IL27: variants seen among roughly 807,000 people sequenced by gnomAD.
IL27 encodes interleukin-27 subunit alpha.
A neutral mutation model predicts 27.0 loss-of-function variants in IL27; 11 were observed. The ratio of observed to expected loss-of-function variants is 0.41; its 90% CI spans 0.26 to 0.67. IL27 has a LOEUF of 0.67. Ranked by LOEUF, IL27 falls within the 30% of genes least tolerant of loss-of-function variation. The probability of loss-of-function intolerance (pLI) is 0.34; values close to 1 mark genes in which losing one functional copy is unlikely to be tolerated. For synonymous variants in IL27, 134 were observed against 140.6 expected, an observed-to-expected ratio of 0.95 and a Z score of 0.33; for missense variants, 299 against 310.4, an observed-to-expected ratio of 0.96 and a Z score of 0.28.
At position 28,499,729 on chromosome 16, in the gene IL27, C is replaced by A. The variant is rs531108031; in HGVS notation, c.654G>T (p.Val218=). 1 of 1,613,644 alleles carries A rather than the reference C, an allele frequency of 6.2e-7. No individual in the cohort carries two copies. Among genetic ancestry groups the A allele is most frequent in the African/African-American group, 1.3e-5 (1 of 75,034 alleles). The part of the protein sequence containing the change: ...HSLELVLSRA[V]RELLLLSKAG... ...CCTTGGACAGCAGCAGCAACTCCCG[C>A]ACGGCCCGAGATAAGACGAGCTCCA... The change falls in exon 5 of 5, where the codon GTG becomes GTT. Residue 218 remains valine (V), a synonymous_variant. Transcript: ENST00000356897.
chr16:28,503,758 G>A lies in IL27; in HGVS notation c.240C>T (p.Leu80=), dbSNP rs2046446597. Residue 80 remains leucine (L), a synonymous_variant, in exon 3 of 5, where the codon CTC becomes CTT. Transcript: ENST00000356897. ...CAGGGAGCTGCTCTCCCAGGGGCAG[G>A]AGGTACAGGTTCACTCCTGGCAGGT... ...ESHLPGVNLY[L]LPLGEQLPDV... The A allele has an allele frequency of 1.9e-6, 3 of 1,613,798 alleles. No individual in the cohort carries two copies. In the African/African-American group the frequency reaches 4.0e-5, roughly 22 times the overall value.
chr16:28,499,723 C>G lies in IL27; in HGVS notation c.660G>C (p.Glu220Asp). ...GCCCAGCCTTGGACAGCAGCAGCAA[C>G]TCCCGCACGGCCCGAGATAAGACGA... ...LELVLSRAVR[E>D]LLLLSKAGHS... is the part of the protein sequence containing the mutation. Residue 220 changes from glutamate (E) to aspartate (D), a missense_variant, in exon 5 of 5, where the codon GAG (glutamate) becomes GAC (aspartate). Transcript: ENST00000356897. 6.2e-7 allele frequency: 1 copy of G among 1,613,724 alleles called. No homozygotes were observed. Among genetic ancestry groups the G allele is most frequent in the Non-Finnish European group, 8.5e-7 (1 of 1,179,896 alleles).
chr16:28,501,503 G>C (rs1467736185), intron 4 of IL27, among the ~76,000 whole-genome samples: 65 of 109,884 alleles, frequency 5.9e-4, no homozygotes, highest in Non-Finnish European at 1.1e-3. Flanking sequence ...CACACTCACA[G>C]TCACACTCAC....
At chr16:28,502,814 G>T (rs1312560203) in intron 3 of IL27, among the ~76,000 whole-genome samples, 1 of 151,978 alleles carries the variant, frequency 6.6e-6, no homozygotes, top group Non-Finnish European at 1.5e-5. Context: ...CCTTATTCCA[G>T]CTTCATCTTT....
intron 4 of IL27, among the ~76,000 whole-genome samples, chr16:28,500,740 C>T (rs1371259088): frequency 6.6e-6 from 1 of 152,144 alleles, no homozygotes; most frequent in African/African-American, 2.4e-5. Context: ...ACCTCACAGC[C>T]CAATGGCCTC....
chr16:28,504,107 C>A, intron 1 of IL27, 57 bp from the exon 2 acceptor site: 1 of 1,508,916 alleles, frequency 6.6e-7, no homozygotes, highest in Non-Finnish European at 8.9e-7. Flanking sequence ...AGGAAGGGAA[C>A]ATGCCTTTTC....
chr16:28,501,358 CCATACACTCACAGTCT>C (rs2046427795), intron 4 of IL27, among the ~76,000 whole-genome samples: 4 of 150,634 alleles, frequency 2.7e-5, no homozygotes, highest in Admixed American at 6.6e-5. Flanking sequence ...ACTCACAGTC[CCATACACTCACAGTCT>C]CACACTCATG....
rs1222157505 is a variant in IL27, at chr16:28,501,960, G to A, written c.462+16C>T. The A allele has an allele frequency of 2.5e-6, 4 of 1,596,940 alleles. No individual in the cohort carries two copies. The South Asian group carries it at 3.3e-5, about 13-fold the overall frequency. On this transcript the variant is annotated intron_variant, in intron 4 of 4. Coordinates refer to ENST00000356897, the MANE Select transcript of IL27 (RefSeq NM_145659.3). ...TCCCACGTGGTCTGGGGTGGTGGAG[G>A]GTGGCCGGGCTCTACCTGGAAGCGG...
Position 28,499,603 on chromosome 16 carries a change from G to A in IL27, c.*48C>T. The A allele has an allele frequency of 1.3e-6, 2 of 1,492,616 alleles. No homozygotes were observed. Among genetic ancestry groups the A allele is most frequent in the East Asian group, 2.4e-5 (1 of 41,328 alleles). The allele number at this position is 1,492,616 out of a possible 1,614,324, so 92.5% of individuals were successfully genotyped here. Reference sequence around the variant, plus strand: ...AGGCTGCCCTGATGCCAAGACTCCAGTCCTAAAGTTCTAAAGGGTGGGGGG... The same window carrying A: ...AGGCTGCCCTGATGCCAAGACTCCAATCCTAAAGTTCTAAAGGGTGGGGGG... On this transcript the variant is annotated 3_prime_UTR_variant, in exon 5 of 5. Transcript: ENST00000356897.
At chr16:28,505,560 C>T (rs748312163) in intron 1 of IL27, among the ~76,000 whole-genome samples, 26 of 152,084 alleles carry the variant, frequency 1.7e-4, no homozygotes, top group Non-Finnish European at 2.6e-4. Flanking sequence ...TCAGGTGATC[C>T]GCCTGCCTTG....
intron 4 of IL27, among the ~76,000 whole-genome samples, chr16:28,501,721 TCACA>T (rs770777120): frequency 2.4e-4 from 35 of 143,172 alleles, no homozygotes; most frequent in Non-Finnish European, 4.7e-4. Flanking sequence ...CCACACACTC[TCACA>T]CTCACAGACC....
chr16:28,499,977 C>T, intron 4 of IL27, 57 bp from the exon 5 acceptor site: 1 of 1,480,028 alleles, frequency 6.8e-7, no homozygotes, highest in Admixed American at 2.3e-5. Context: ...GAGAGGAATC[C>T]TCATTCCCTA....
At chr16:28,504,903 CA>C (rs1258220194) in intron 1 of IL27, among the ~76,000 whole-genome samples, 2 of 152,206 alleles carry the variant, frequency 1.3e-5, no homozygotes, top group Non-Finnish European at 2.9e-5. Flanking sequence ...TTTTGACCCC[CA>C]TAAACTCCCT....
At chr16:28,503,853 C>CGCCA (rs1178125044) in intron 2 of IL27, 25 bp downstream of exon 2, 2 of 1,613,336 alleles carry the variant, frequency 1.2e-6, no homozygotes, top group Admixed American at 3.3e-5. Flanking sequence ...CCATCTCCAG[C>CGCCA]GCCAGCTGCA....
intron 3 of IL27, among the ~76,000 whole-genome samples, chr16:28,503,398 C>T (rs2046444322): frequency 6.6e-6 from 1 of 152,194 alleles, no homozygotes; most frequent in Non-Finnish European, 1.5e-5. Context: ...CAAAGGTGTA[C>T]ACCACCATGC....
chr16:28,501,836 CATG>C lies in IL27; in HGVS notation c.462+137_462+139del, dbSNP rs2046433486. ...GGACCCACACAGTCACTCTCACACT[CATG>C]AACCCACACACTCATGGACACTCAG... On this transcript the variant is annotated intron_variant, in intron 4 of 4. Coordinates refer to ENST00000356897, the MANE Select transcript of IL27 (RefSeq NM_145659.3). The C allele has an allele frequency of 2.9e-6, 3 of 1,029,784 alleles. No homozygotes were observed. In the South Asian group the frequency reaches 4.5e-5, roughly 15 times the overall value. 63.8% of individuals were successfully genotyped at this position (1,029,784 alleles called of 1,614,324 possible). A position where few individuals can be genotyped will look rare whatever the true frequency, so the allele number is the denominator to read the frequency against.
rs758666741 is a variant in IL27 at position 28,504,037 on chromosome 16, C to T, written c.45G>A (p.Leu15=). 36 of 1,606,624 alleles carry T rather than the reference C, an allele frequency of 2.2e-5. No homozygotes were observed. In the South Asian group the frequency reaches 3.1e-4, roughly 14 times the overall value. Residue 15 remains leucine (L), a synonymous_variant, in exon 2 of 5, where the codon TTG becomes TTA. Transcript: ENST00000356897. Reference sequence around the variant, plus strand: ...CTTGAACCAGGAGCAAGGGAAGCAGCAACAGGCTGAGCCCTGGAGAGATGG... The same window carrying T: ...CTTGAACCAGGAGCAAGGGAAGCAGTAACAGGCTGAGCCCTGGAGAGATGG... ...AGDLGWRLSL[L]LLPLLLVQAG...
Position 28,503,691 on chromosome 16 carries a change from T to A in IL27, c.303+4A>T. 1.2e-6 allele frequency: 2 copies of A among 1,603,746 alleles called. No individual in the cohort carries two copies. Among genetic ancestry groups the A allele is most frequent in the Non-Finnish European group, 1.7e-6 (2 of 1,174,304 alleles). On this transcript the variant is annotated splice_donor_region_variant and intron_variant, in intron 3 of 4. Transcript: ENST00000356897. ...CCCGCCCCACTCCACCAGCCCTCAC[T>A]CACAGAGAGGCGGCGCCAGGCCTGG... is the stretch of plus-strand genomic sequence containing the variant.
In IL27 at chr16:28,499,873, CTCT is replaced by C. The variant is rs1245403030; in HGVS notation, c.507_509del (p.Glu176del). 1 of 1,553,068 alleles carries C rather than the reference CTCT, an allele frequency of 6.4e-7. No homozygotes were observed. Among genetic ancestry groups the C allele is most frequent in the East Asian group, 2.4e-5 (1 of 41,106 alleles). ...CCTTCCTCTCCTCCTCCTCCTCCTC[CTCT>C]TCCTCCTCCTCCTCCTCCGGGAGGT... On this transcript the variant is annotated inframe_deletion, in exon 5 of 5. Coordinates refer to ENST00000356897, the MANE Select transcript of IL27 (RefSeq NM_145659.3).
Sources: gnomAD v4.1 joint callset for allele counts (sites outside exome capture counted in the v4.1 genomes callset) on GRCh38, gnomAD v4.1.1 for gene constraint, MANE v1.5 for transcripts, NCBI Gene and HGNC (gene_info 2026-07-23, HGNC 2026-07-21) for gene names.